CRAMP1: variants seen among roughly 807,000 people sequenced by gnomAD.
The protein encoded by CRAMP1 is protein cramped-like.
A neutral mutation model predicts 115.4 loss-of-function variants in CRAMP1; 50 were observed. That is an observed-to-expected ratio of 0.43 (90% CI 0.35 to 0.55). The LOEUF is 0.55. Ranked by LOEUF, CRAMP1 falls within the 20% of genes least tolerant of loss-of-function variation. The pLI is 0.01. For synonymous variants in CRAMP1, 866 were observed against 745.4 expected, an observed-to-expected ratio of 1.16 and a Z score of -2.64; for missense variants, 1,679 against 1,721.7, an observed-to-expected ratio of 0.98 and a Z score of 0.44.
intron 2 of CRAMP1, among the ~76,000 whole-genome samples, chr16:1,617,838 A>C (rs984898169): frequency 6.6e-6 from 1 of 152,218 alleles, no homozygotes; most frequent in Admixed American, 6.5e-5. Flanking sequence ...TCTTGCATTG[A>C]TAAAGCGATG....
chr16:1,673,866 C>G lies in CRAMP1; in HGVS notation c.3646-15C>G, dbSNP rs750641154. On this transcript the variant is annotated splice_polypyrimidine_tract_variant and intron_variant, in intron 20 of 20. Coordinates refer to ENST00000397412, the MANE Select transcript of CRAMP1 (RefSeq NM_020825.4). Reference sequence around the variant, plus strand: ...GGTCGCGGTGACTTGTTCTTCCTGTCTCCTCTTCCTGCAGGTTGTGGATTC... The same window carrying G: ...GGTCGCGGTGACTTGTTCTTCCTGTGTCCTCTTCCTGCAGGTTGTGGATTC... The G allele has an allele frequency of 4.3e-6, 7 of 1,613,440 alleles. No homozygotes were observed. In the Admixed American group the frequency reaches 1.2e-4, roughly 27 times the overall value.
intron 13 of CRAMP1, among the ~76,000 whole-genome samples, chr16:1,663,362 T>G (rs889586214): frequency 2.0e-5 from 3 of 152,212 alleles, no homozygotes; most frequent in Non-Finnish European, 2.9e-5. Context: ...ATGTGTGTTA[T>G]TTTGGATTCA....
chr16:1,652,328 T>C (rs1022521001), intron 6 of CRAMP1, among the ~76,000 whole-genome samples, 168 bp from the exon 7 acceptor site: 4 of 152,212 alleles, frequency 2.6e-5, no homozygotes, highest in Admixed American at 6.5e-5. Context: ...GAGTCACCAC[T>C]TCTTGTTTGT....
intron 10 of CRAMP1, among the ~76,000 whole-genome samples, chr16:1,658,917 C>T (rs1003668150): frequency 1.5e-4 from 23 of 152,066 alleles, no homozygotes; most frequent in Non-Finnish European, 3.2e-4. Context: ...AGGAAGAGAG[C>T]CGAGAGGCTG....
chr16:1,641,220 C>T (rs779835052), intron 6 of CRAMP1, 33 bp downstream of exon 6: 4 of 1,513,454 alleles, frequency 2.6e-6, no homozygotes, highest in South Asian at 2.3e-5. Context: ...AACATCACTT[C>T]TCTGGGTGTT....
In CRAMP1 at chr16:1,666,663, A is replaced by G. The variant is rs906146805; in HGVS notation, c.3036+63A>G. 7 of 1,486,978 alleles carry G rather than the reference A, an allele frequency of 4.7e-6. No homozygotes were observed. Among genetic ancestry groups the G allele is most frequent in the East Asian group, 2.3e-5 (1 of 44,006 alleles). The allele number at this position is 1,486,978 out of a possible 1,614,324, so 92.1% of individuals were successfully genotyped here. ...AACTTCTGGTGTGGACGCCAAAGCC[A>G]TGGGGCTGAGATCACGCTGGACTCC... On this transcript the variant is annotated intron_variant, in intron 16 of 20. Transcript: ENST00000397412. This position sits in a 1 kb window ranked among gnomAD's most constrained non-coding sequence, Gnocchi z 5.0.
At chr16:1,651,071 G>A (rs537891939) in intron 6 of CRAMP1, among the ~76,000 whole-genome samples, 72 of 150,974 alleles carry the variant, frequency 4.8e-4, no homozygotes, top group African/African-American at 1.7e-3. Flanking sequence ...CAGAGGTCAC[G>A]GAGAAGTGGA....
chr16:1,648,138 C>T (rs1815180329), intron 6 of CRAMP1, among the ~76,000 whole-genome samples: 2 of 151,962 alleles, frequency 1.3e-5, no homozygotes, highest in South Asian at 4.2e-4. Flanking sequence ...AAAAGGAAGT[C>T]ACAAAATAGC....
chr16:1,624,031 G>C (rs569251693), intron 2 of CRAMP1, among the ~76,000 whole-genome samples: 1 of 152,332 alleles, frequency 6.6e-6, no homozygotes, highest in African/African-American at 2.4e-5. Flanking sequence ...GGCTGTGAGT[G>C]CTGGACATTC....
chr16:1,625,863 G>C, intron 2 of CRAMP1, 110 bp from the exon 3 acceptor site: 1 of 1,088,630 alleles, frequency 9.2e-7, no homozygotes, highest in Non-Finnish European at 1.3e-6. Flanking sequence ...CGGTTGAGGA[G>C]TGTGGAGTGG....
chr16:1,650,978 G>C (rs892796751), intron 6 of CRAMP1, among the ~76,000 whole-genome samples: 1 of 152,228 alleles, frequency 6.6e-6, no homozygotes, highest in African/African-American at 2.4e-5. Context: ...TCCTCACAGG[G>C]AGGTCACATA....
rs377608901 is a variant in CRAMP1 at position 1,659,855 on chromosome 16, T to G, written c.2236-31T>G. ...AAGAGCCATTTCTCATGTGCTGAGT[T>G]TGGACATTGTTTGGCCCATTTCTGT... On this transcript the variant is annotated intron_variant, in intron 10 of 20. Coordinates refer to ENST00000397412, the MANE Select transcript of CRAMP1 (RefSeq NM_020825.4). The G allele has an allele frequency of 1.1e-5, 17 of 1,607,618 alleles. No homozygotes were observed. The South Asian group carries it at 1.9e-4, about 18-fold the overall frequency.
intron 1 of CRAMP1, among the ~76,000 whole-genome samples, chr16:1,613,300 C>T (rs894287680): frequency 6.6e-6 from 1 of 152,052 alleles, no homozygotes; most frequent in Non-Finnish European, 1.5e-5. Flanking sequence ...CAGGAGAAAA[C>T]GGCCACGGAT....
rs1442278112 is a variant in CRAMP1 at position 1,626,079 on chromosome 16, C to A, written c.453C>A (p.Gly151=). 6 of 1,551,160 alleles carry A rather than the reference C, an allele frequency of 3.9e-6. No individual in the cohort carries two copies. The highest frequency in any genetic ancestry group is 2.4e-5 in the East Asian group (1 of 40,896). The part of the protein sequence containing the change: ...SSSRNLGSSG[G]EKEEGKKVRR... ...CCCGGAACTTAGGGTCTTCTGGTGG[C>A]GAGAAGGAAGAAGGCAAAAAGGTCC... Residue 151 remains glycine (G), a synonymous_variant, in exon 3 of 21, where the codon GGC becomes GGA. Coordinates refer to ENST00000397412, the MANE Select transcript of CRAMP1 (RefSeq NM_020825.4).
At chr16:1,646,835 C>T (rs964493778) in intron 6 of CRAMP1, among the ~76,000 whole-genome samples, 5 of 152,264 alleles carry the variant, frequency 3.3e-5, no homozygotes, top group Admixed American at 6.5e-5. Flanking sequence ...TTTTGTGTAC[C>T]ATGTGAAGTT....
intron 10 of CRAMP1, among the ~76,000 whole-genome samples, chr16:1,659,433 C>G (rs777759845): frequency 1.3e-5 from 2 of 151,954 alleles, no homozygotes; most frequent in Admixed American, 6.6e-5. Flanking sequence ...CTCTGTAGTC[C>G]AGGCTGGAGT....
Position 1,673,939 on chromosome 16 carries a change from G to C in CRAMP1, c.3704G>C (p.Arg1235Pro), listed in dbSNP as rs751287265. 5.0e-6 allele frequency: 8 copies of C among 1,613,738 alleles called. No homozygotes were observed. The highest frequency in any genetic ancestry group is 6.8e-6 in the Non-Finnish European group (8 of 1,179,836). ...MNENSIDYIS[R>P]FNDLAQELSI... ...GAAAACAGCATTGATTACATTTCTC[G>C]GTTCAATGACCTGGCCCAAGAGCTG... Residue 1235 changes from arginine to proline, a missense_variant, in exon 21 of 21, where the codon CGG becomes CCG. Around this residue, in one of 8 missense-constraint regions of CRAMP1, gnomAD observed 709 missense variants for 741.9 expected, o/e 0.96. Transcript: ENST00000397412.
chr16:1,665,160 G>C lies in CRAMP1; in HGVS notation c.2752+22G>C, dbSNP rs760028310. The C allele has an allele frequency of 2.6e-5, 39 of 1,520,044 alleles. 1 individual carries two copies. Among genetic ancestry groups the C allele is most frequent in the South Asian group, 1.9e-4 (17 of 89,096 alleles). 94.2% of individuals were successfully genotyped at this position (1,520,044 alleles called of 1,614,324 possible). A position where few individuals can be genotyped will look rare whatever the true frequency, so the allele number is the denominator to read the frequency against. Reference sequence around the variant, plus strand: ...ACTGGTAAGGACCCTGAGCTTTTCTGGGGTAGCTTGTCCCTCCTCCTCACA... The same window carrying C: ...ACTGGTAAGGACCCTGAGCTTTTCTCGGGTAGCTTGTCCCTCCTCCTCACA... On this transcript the variant is annotated intron_variant, in intron 14 of 20. Transcript: ENST00000397412.
At chr16:1,628,713 G>T (rs1330618641) in intron 3 of CRAMP1, among the ~76,000 whole-genome samples, 1 of 152,222 alleles carries the variant, frequency 6.6e-6, no homozygotes, top group African/African-American at 2.4e-5. Context: ...GAGAAGTGCG[G>T]CTTCTGCCAT....
Sources: gnomAD v4.1 joint callset for allele counts (sites outside exome capture counted in the v4.1 genomes callset) on GRCh38, gnomAD v4.1.1 for gene constraint, gnomAD v4.1.1 regional missense constraint, Gnocchi (gnomAD v3.1) non-coding constraint, MANE v1.5 for transcripts, NCBI Gene and HGNC (gene_info 2026-07-23, HGNC 2026-07-21) for gene names.